The following OPN4 variants were observed in gnomAD, a reference collection of about 807,000 sequenced individuals.
OPN4 encodes opsin 4.
Under a neutral mutation model 49.5 loss-of-function variants are expected in OPN4, and 43 were observed. The observed-to-expected ratio is 0.87, with a 90% CI of 0.68 to 1.12. OPN4 has a LOEUF of 1.12. OPN4 is among the 50% of genes most tolerant of loss of function. The probability of loss-of-function intolerance (pLI) is 0.00; values close to 1 mark genes in which losing one functional copy is unlikely to be tolerated. For missense variants in OPN4, 657 were observed against 643.9 expected, an observed-to-expected ratio of 1.02 and a Z score of -0.22; for synonymous variants, 263 against 258.0, an observed-to-expected ratio of 1.02 and a Z score of -0.19.
chr10:86,654,836 G>A lies in OPN4; in HGVS notation c.53G>A (p.Ser18Asn). 1 of 1,344,628 alleles carries A rather than the reference G, an allele frequency of 7.4e-7. No individual in the cohort carries two copies. 83.3% of individuals were successfully genotyped at this position (1,344,628 alleles called of 1,614,324 possible). A position where few individuals can be genotyped will look rare whatever the true frequency, so the allele number is the denominator to read the frequency against. Reference sequence around the variant, plus strand: ...CCGCCCAGCCCAACCCAAGAGCCCAGCTGCATGGCCACCCCAGCACCACCC... The same window carrying A: ...CCGCCCAGCCCAACCCAAGAGCCCAACTGCATGGCCACCCCAGCACCACCC... ...RVPPSPTQEP[S>N]CMATPAPPSW... Residue 18 changes from serine (S) to asparagine (N), a missense_variant, in exon 1 of 10, where the codon AGC (serine) becomes AAC (asparagine). Coordinates refer to ENST00000241891, the MANE Select transcript of OPN4 (RefSeq NM_033282.4).
rs113450463 is a variant in OPN4 at position 86,663,957 on chromosome 10, T to C, written c.1398+155T>C. The C allele has an allele frequency of 2.6e-4, 230 of 881,404 alleles. No homozygotes were observed. In the African/African-American group the frequency reaches 3.5e-3, roughly 13 times the overall value. 54.6% of individuals were successfully genotyped at this position (881,404 alleles called of 1,614,324 possible). On this transcript the variant is annotated intron_variant, in intron 9 of 9. Coordinates refer to ENST00000241891, the MANE Select transcript of OPN4 (RefSeq NM_033282.4). ...CAGCACCTCCCAGCTTTTCCTTGTC[T>C]GCCTGGGGTTCTCTGTGACTCTGAG... is the stretch of plus-strand genomic sequence containing the variant.
Position 86,665,714 on chromosome 10 carries a change from CCA to C in OPN4, c.1401_1402del (p.Lys468GlyfsTer21). 1 of 1,613,570 alleles carries C rather than the reference CCA, an allele frequency of 6.2e-7. No homozygotes were observed. ...CAGATGTGTGCTGTTTGTTTGCAGA[CCA>C]AGGGGCTGATCCCCAGCCAGGACCC... On this transcript the variant is annotated frameshift_variant and splice_region_variant, in exon 10 of 10. Transcript: ENST00000241891. LOFTEE classifies it high-confidence loss of function.
Position 86,659,501 on chromosome 10 carries a change from G to A in OPN4, c.800+33G>A, listed in dbSNP as rs1259183809. ...CCGAGCATGGAGGGGGGCTACAGGAGGGGGACCGGCCCCTCGGCCAGGCGG... is the reference window on the plus strand; with the variant it reads ...CCGAGCATGGAGGGGGGCTACAGGAAGGGGACCGGCCCCTCGGCCAGGCGG... On this transcript the variant is annotated intron_variant, in intron 5 of 9. Transcript: ENST00000241891. 3.7e-6 allele frequency: 6 copies of A among 1,606,856 alleles called. No homozygotes were observed. The African/African-American group carries it at 6.7e-5, about 18-fold the overall frequency.
Position 86,659,608 on chromosome 10 carries a change from G to A in OPN4, c.800+140G>A, listed in dbSNP as rs1046044397. On this transcript the variant is annotated intron_variant, in intron 5 of 9. Coordinates refer to ENST00000241891, the MANE Select transcript of OPN4 (RefSeq NM_033282.4). ...AGGCAAGCTGAGCAAGTGCTTATGG[G>A]GCAGCAGTGTCTAGGGGAGCCTCAG... 29 of 1,239,820 alleles carry A rather than the reference G, an allele frequency of 2.3e-5. No homozygotes were observed. In the South Asian group the frequency reaches 4.5e-4, roughly 19 times the overall value. The allele number at this position is 1,239,820 out of a possible 1,614,324, so 76.8% of individuals were successfully genotyped here.
intron 5 of OPN4, among the ~76,000 whole-genome samples, 181 bp from the exon 6 acceptor site, chr10:86,659,714 G>T (rs1310468559): frequency 1.3e-5 from 2 of 152,218 alleles, no homozygotes; most frequent in African/African-American, 4.8e-5. Flanking sequence ...GGAGTAGGGG[G>T]CAGCTGAGAC....
intron 5 of OPN4, 85 bp downstream of exon 5, chr10:86,659,553 C>G: frequency 6.6e-7 from 1 of 1,509,066 alleles, no homozygotes; most frequent in African/African-American, 1.4e-5. Context: ...CACACCTGCA[C>G]CAGCCTACCA....
rs760158575 is a variant in OPN4, at chr10:86,659,947, C to A, written c.853C>A (p.Arg285=). Residue 285 remains arginine (R), a synonymous_variant, in exon 6 of 10, where the codon CGG becomes AGG. Transcript: ENST00000241891. ...GGGCAATGGCGAGTCCCTGTGGCAG[C>A]GGCAGCGGCTGCAGAGCGAGTGCAA... is the stretch of plus-strand genomic sequence containing the variant. ...CKGNGESLWQ[R]QRLQSECKMA... The A allele has an allele frequency of 3.1e-6, 5 of 1,613,996 alleles. No homozygotes were observed. The highest frequency in any genetic ancestry group is 1.6e-4 in the Middle Eastern group (1 of 6,082).
intron 2 of OPN4, 149 bp downstream of exon 2, chr10:86,656,449 T>G: frequency 9.5e-7 from 1 of 1,053,282 alleles, no homozygotes; most frequent in South Asian, 1.6e-5. Flanking sequence ...TTCGATGATC[T>G]CAGGCCCAGA....
rs755241594 is a variant in OPN4, at chr10:86,663,815, G to A, written c.1398+13G>A. 34 of 1,549,372 alleles carry A rather than the reference G, an allele frequency of 2.2e-5. No homozygotes were observed. The highest frequency in any genetic ancestry group is 1.5e-4 in the East Asian group (6 of 40,768). On this transcript the variant is annotated intron_variant, in intron 9 of 9. Coordinates refer to ENST00000241891, the MANE Select transcript of OPN4 (RefSeq NM_033282.4). ...GACTCCAGGGAAGGTGACTGGGCCC[G>A]GTACCTGCCAATCCACAAAGGGGTG... is the stretch of plus-strand genomic sequence containing the variant.
At chr10:86,664,823 A>AC (rs1264697139) in intron 9 of OPN4, among the ~76,000 whole-genome samples, 1 of 151,422 alleles carries the variant, frequency 6.6e-6, no homozygotes, top group Non-Finnish European at 1.5e-5. Context: ...CCTGGCAGTG[A>AC]CCCCCAGGCT....
chr10:86,665,882 G>T lies in OPN4; in HGVS notation c.*131G>T. 1 of 731,258 alleles carries T rather than the reference G, an allele frequency of 1.4e-6. No homozygotes were observed. Among genetic ancestry groups the T allele is most frequent in the Non-Finnish European group, 2.3e-6 (1 of 427,464 alleles). The allele number at this position is 731,258 out of a possible 1,614,324, so 45.3% of individuals were successfully genotyped here. The stretch of plus-strand genomic sequence containing the variant: ...TGGCCCTGTCACCCGTGCTGCACGG[G>T]ATTCACAGCCCCAGCCCCATGGCCC... On this transcript the variant is annotated 3_prime_UTR_variant, in exon 10 of 10. Transcript: ENST00000241891.
Position 86,660,006 on chromosome 10 carries a change from C to G in OPN4, c.912C>G (p.Leu304=), listed in dbSNP as rs1843965505. The G allele has an allele frequency of 6.2e-7, 1 of 1,614,226 alleles. No individual in the cohort carries two copies. Among genetic ancestry groups the G allele is most frequent in the South Asian group, 1.1e-5 (1 of 91,086 alleles). The change falls in exon 6 of 10, where the codon CTC becomes CTG. Residue 304 remains leucine, a synonymous_variant. Transcript: ENST00000241891. ...MAKIMLLVIL[L]FVLSWAPYSA... ...AGATCATGCTGCTGGTCATCCTCCT[C>G]TTCGTGCTCTCCTGGGCTCCCTATT... is the stretch of plus-strand genomic sequence containing the variant.
chr10:86,663,390 T>A (rs1440164543), intron 8 of OPN4, among the ~76,000 whole-genome samples: 2 of 152,174 alleles, frequency 1.3e-5, no homozygotes, highest in African/African-American at 4.8e-5. Flanking sequence ...AGACCACCCA[T>A]CTATTCAAAA....
Position 86,663,694 on chromosome 10 carries a change from A to C in OPN4, c.1290A>C (p.Gly430=). The C allele has an allele frequency of 6.4e-7, 1 of 1,568,780 alleles. No homozygotes were observed. Among genetic ancestry groups the C allele is most frequent in the African/African-American group, 1.4e-5 (1 of 74,048 alleles). Residue 430 remains glycine (G), a synonymous_variant, in exon 9 of 10, where the codon GGA becomes GGC. Coordinates refer to ENST00000241891, the MANE Select transcript of OPN4 (RefSeq NM_033282.4). ...ACATGGAGGCAGCAGCTGTGTGGGG[A>C]GCTGCCCAGCAAGCAAATGGGCGGT... ...WTHMEAAAVW[G]AAQQANGRSL...
intron 5 of OPN4, 41 bp downstream of exon 5, chr10:86,659,509 G>C: frequency 1.3e-6 from 2 of 1,596,324 alleles, no homozygotes; most frequent in Non-Finnish European, 1.7e-6. Context: ...GAGGGGGACC[G>C]GCCCCTCGGC....
intron 7 of OPN4, among the ~76,000 whole-genome samples, chr10:86,661,919 G>A (rs564666500): frequency 6.6e-6 from 1 of 152,234 alleles, no homozygotes; most frequent in South Asian, 2.1e-4. Flanking sequence ...CAGCACAGAG[G>A]CTGCTCCAGA....
At chr10:86,661,808 T>C (rs1844015081) in intron 7 of OPN4, among the ~76,000 whole-genome samples, 2 of 151,686 alleles carry the variant, frequency 1.3e-5, no homozygotes, top group South Asian at 2.1e-4. Flanking sequence ...TGCATGCTGA[T>C]AGCAACCCGG....
intron 2 of OPN4, chr10:86,657,313 A>G: frequency 5.3e-6 from 4 of 750,280 alleles, no homozygotes; most frequent in Non-Finnish European, 1.0e-5. Flanking sequence ...GAGTGGGAGC[A>G]TCTTGTCTGG....
intron 2 of OPN4, 77 bp downstream of exon 2, chr10:86,656,377 A>C: frequency 6.7e-7 from 1 of 1,503,408 alleles, no homozygotes; most frequent in Non-Finnish European, 9.0e-7. Flanking sequence ...GCAGGCAGGA[A>C]TGTTGACTCT....
Sources: gnomAD v4.1 joint callset for allele counts (sites outside exome capture counted in the v4.1 genomes callset) on GRCh38, gnomAD v4.1.1 for gene constraint, MANE v1.5 for transcripts, NCBI Gene and HGNC (gene_info 2026-07-23, HGNC 2026-07-21) for gene names.